GALNT17: variants seen among roughly 807,000 people sequenced by gnomAD.
GALNT17 encodes UDP-GalNAc:polypeptide N-acetylgalactosaminyltransferase-like 3.
A neutral mutation model predicts 63.7 loss-of-function variants in GALNT17; 29 were observed. The ratio of observed to expected loss-of-function variants is 0.46; its 90% CI spans 0.34 to 0.62. The LOEUF is 0.62. Among genes scored for constraint, GALNT17 ranks in the 20% least tolerant of loss-of-function variants. The probability of loss-of-function intolerance (pLI) is 0.01; values close to 1 mark genes in which losing one functional copy is unlikely to be tolerated. For missense variants in GALNT17, 603 were observed against 799.6 expected, an observed-to-expected ratio of 0.75 and a Z score of 2.97; for synonymous variants, 305 against 318.3, an observed-to-expected ratio of 0.96 and a Z score of 0.45.
At chr7:71,374,406 AGCTGGGGGCC>A (rs1411809151) in intron 2 of GALNT17, among the ~76,000 whole-genome samples, 2 of 152,234 alleles carry the variant, frequency 1.3e-5, no homozygotes, top group Admixed American at 6.5e-5. Flanking sequence ...GCACATGTCC[AGCTGGGGGCC>A]GCCTTTCTGC....
chr7:71,619,917 G>A (rs1348134753), intron 6 of GALNT17, among the ~76,000 whole-genome samples: 1 of 152,134 alleles, frequency 6.6e-6, no homozygotes, highest in Non-Finnish European at 1.5e-5. Flanking sequence ...CATGATGTTG[G>A]CTGTGGTTTG....
intron 9 of GALNT17, among the ~76,000 whole-genome samples, chr7:71,699,687 A>C (rs901583677): frequency 1.3e-5 from 2 of 152,092 alleles, no homozygotes; most frequent in Non-Finnish European, 2.9e-5. Context: ...TAATCCCAAC[A>C]CTTTGAGATG....
chr7:71,629,303 C>T (rs1158447327), intron 6 of GALNT17, among the ~76,000 whole-genome samples: 1 of 152,128 alleles, frequency 6.6e-6, no homozygotes, highest in Non-Finnish European at 1.5e-5. Context: ...GGGCTGCATT[C>T]ACACCGTGTT....
chr7:71,292,634 GGAGAGAGA>G (rs148278821), intron 1 of GALNT17, among the ~76,000 whole-genome samples: 5 of 135,336 alleles, frequency 3.7e-5, no homozygotes, highest in African/African-American at 1.3e-4. Flanking sequence ...TTTGGGAGAG[GGAGAGAGA>G]GAGAGAGAGA....
At chr7:71,301,717 G>A (rs927489264) in intron 1 of GALNT17, among the ~76,000 whole-genome samples, 2 of 150,440 alleles carry the variant, frequency 1.3e-5, no homozygotes, top group Non-Finnish European at 2.9e-5. Flanking sequence ...TTTGTTAAGA[G>A]GATAGATCTT....
intron 5 of GALNT17, among the ~76,000 whole-genome samples, chr7:71,533,459 A>T (rs1788752638): frequency 6.6e-6 from 1 of 152,158 alleles, no homozygotes; most frequent in Admixed American, 6.5e-5. Flanking sequence ...TCTCATCCTC[A>T]GGAGAGATGC....
intron 5 of GALNT17, among the ~76,000 whole-genome samples, chr7:71,479,713 C>G (rs1787782559): frequency 6.6e-6 from 1 of 152,162 alleles, no homozygotes; most frequent in African/African-American, 2.4e-5. Context: ...CCTTCCTCCT[C>G]AGACATAAGA....
intron 9 of GALNT17, among the ~76,000 whole-genome samples, chr7:71,699,767 C>G (rs1021950763): frequency 1.4e-5 from 2 of 147,516 alleles, no homozygotes; most frequent in African/African-American, 5.1e-5. Flanking sequence ...GACCCTGTCT[C>G]TATGATTTTT....
At chr7:71,324,279 A>G (rs1047457606) in intron 1 of GALNT17, among the ~76,000 whole-genome samples, 10 of 152,158 alleles carry the variant, frequency 6.6e-5, no homozygotes, top group Admixed American at 2.6e-4. Context: ...TAACTCAAGT[A>G]AGCGGTGGCT....
intron 5 of GALNT17, among the ~76,000 whole-genome samples, chr7:71,510,809 G>A (rs944945776): frequency 6.6e-6 from 1 of 152,268 alleles, no homozygotes; most frequent in South Asian, 2.1e-4. Flanking sequence ...TTCCCAGGTA[G>A]GAAGGGAATG....
At chr7:71,150,029 C>T (rs1788101313) in intron 1 of GALNT17, among the ~76,000 whole-genome samples, 1 of 152,132 alleles carries the variant, frequency 6.6e-6, no homozygotes, top group Non-Finnish European at 1.5e-5. Flanking sequence ...ATTGCTTAGG[C>T]ACACGCTTCT....
chr7:71,199,514 CCATCCATT>C (rs1033916966), intron 1 of GALNT17, among the ~76,000 whole-genome samples: 6 of 148,820 alleles, frequency 4.0e-5, no homozygotes, highest in African/African-American at 1.5e-4. Flanking sequence ...TCCACTAACC[CCATCCATT>C]CATCCATCCA....
At chr7:71,234,450 G>A (rs1427826891) in intron 1 of GALNT17, among the ~76,000 whole-genome samples, 1 of 152,016 alleles carries the variant, frequency 6.6e-6, no homozygotes, top group East Asian at 1.9e-4. Context: ...TTAGTAGAGA[G>A]ACAGGGTTTC....
chr7:71,705,785 C>G (rs1023557537), intron 9 of GALNT17, among the ~76,000 whole-genome samples: 24 of 152,108 alleles, frequency 1.6e-4, no homozygotes, highest in African/African-American at 5.6e-4. Context: ...ACACTGAAGC[C>G]TAGGAAAGTT....
chr7:71,432,169 C>T (rs149507115), intron 5 of GALNT17, among the ~76,000 whole-genome samples: 4,869 of 151,460 alleles, frequency 0.032, 114 homozygotes, highest in South Asian at 0.12. Flanking sequence ...AGCAAGACTC[C>T]GTCTCAAAAA....
intron 3 of GALNT17, among the ~76,000 whole-genome samples, chr7:71,414,518 C>A (rs561968034): frequency 6.6e-6 from 1 of 152,218 alleles, no homozygotes; most frequent in African/African-American, 2.4e-5. Flanking sequence ...GTGGTAATGA[C>A]CCACACTTTC....
At chr7:71,206,914 G>C (rs1229152622) in intron 1 of GALNT17, among the ~76,000 whole-genome samples, 3 of 151,982 alleles carry the variant, frequency 2.0e-5, no homozygotes, top group African/African-American at 7.3e-5. Context: ...GACCATCCTG[G>C]CTAATGCAGT....
chr7:71,640,340 A>G (rs1362928082), intron 6 of GALNT17, among the ~76,000 whole-genome samples: 1 of 151,694 alleles, frequency 6.6e-6, no homozygotes, highest in Non-Finnish European at 1.5e-5. Flanking sequence ...TTTTTAGATG[A>G]TGGCTGGCCA....
At chr7:71,292,653 C>CAG (rs776918310) in intron 1 of GALNT17, among the ~76,000 whole-genome samples, 46 of 127,222 alleles carry the variant, frequency 3.6e-4, no homozygotes, top group East Asian at 9.3e-4. Context: ...GAGAGAGAGA[C>CAG]AGAGAGAGAG....
Sources: gnomAD v4.1 joint callset for allele counts (sites outside exome capture counted in the v4.1 genomes callset) on GRCh38, gnomAD v4.1.1 for gene constraint, MANE v1.5 for transcripts, NCBI Gene and HGNC (gene_info 2026-07-23, HGNC 2026-07-21) for gene names.